CCSER1: variants seen among roughly 807,000 people sequenced by gnomAD.
The protein encoded by CCSER1 is serine-rich coiled-coil domain-containing protein 1.
A neutral mutation model predicts 82.0 loss-of-function variants in CCSER1; 41 were observed. That is an observed-to-expected ratio of 0.50 (90% CI 0.39 to 0.65). The LOEUF is 0.65. Ranked by LOEUF, CCSER1 falls within the 30% of genes least tolerant of loss-of-function variation. CCSER1 has a pLI of 0.00. For missense variants in CCSER1, 1,119 were observed against 1,064.2 expected, an observed-to-expected ratio of 1.05 and a Z score of -0.72; for synonymous variants, 414 against 383.9, an observed-to-expected ratio of 1.08 and a Z score of -0.92.
intron 10 of CCSER1, among the ~76,000 whole-genome samples, chr4:91,168,519 C>G (rs1354207330): frequency 1.3e-5 from 2 of 148,702 alleles, no homozygotes; most frequent in African/African-American, 5.0e-5. Flanking sequence ...CCTGGCCGCC[C>G]CATCTGGGAG....
chr4:91,502,358 G>A lies in CCSER1; in HGVS notation c.2218-96214G>A, dbSNP rs531220701. Among the ~76,000 whole-genome samples, 22 of 152,206 alleles carry A rather than the reference G, an allele frequency of 1.4e-4. No homozygotes were observed. In the Middle Eastern group the frequency reaches 0.01, roughly 71 times the overall value. ...TTATTATTTATCCTTACAATACATA[G>A]TGTAGAGCATGCTCATTTCATCCTA... On this transcript the variant is annotated intron_variant, in intron 10 of 10. Coordinates refer to ENST00000509176, the MANE Select transcript of CCSER1 (RefSeq NM_001145065.2).
At chr4:91,008,702 A>G (rs1173644916) in intron 9 of CCSER1, among the ~76,000 whole-genome samples, 2 of 152,152 alleles carry the variant, frequency 1.3e-5, no homozygotes, top group Non-Finnish European at 2.9e-5. Context: ...TTTATTTTCA[A>G]AGTAATTATT....
chr4:90,932,977 A>G lies in CCSER1; in HGVS notation c.2172+9530A>G, dbSNP rs1561384948. ...AAGAAAGAAAGAAAGAAAGAAAGAAAGAAAGAGAAAGAAAGAAAGAAAGAA... is the reference window on the plus strand; with the variant it reads ...AAGAAAGAAAGAAAGAAAGAAAGAAGGAAAGAGAAAGAAAGAAAGAAAGAA... On this transcript the variant is annotated intron_variant, in intron 9 of 10. Coordinates refer to ENST00000509176, the MANE Select transcript of CCSER1 (RefSeq NM_001145065.2). Among the ~76,000 whole-genome samples the G allele has an allele frequency of 5.6e-4, 23 of 41,026 alleles. 1 individual carries two copies. The highest frequency in any genetic ancestry group is 7.9e-4 in the Non-Finnish European group (18 of 22,872). The allele number at this position is 41,026 out of a possible 152,430, so 26.9% of individuals were successfully genotyped here. A position where few individuals can be genotyped will look rare whatever the true frequency, so the allele number is the denominator to read the frequency against.
intron 5 of CCSER1, among the ~76,000 whole-genome samples, chr4:90,500,543 C>CT (rs1245483100): frequency 7.2e-5 from 11 of 151,912 alleles, no homozygotes; most frequent in Non-Finnish European, 1.5e-4. Flanking sequence ...GTTGGCCAGG[C>CT]TTTTTTTGAA....
intron 10 of CCSER1, among the ~76,000 whole-genome samples, chr4:91,233,855 TA>T (rs1293853518): frequency 6.6e-6 from 1 of 151,776 alleles, no homozygotes; most frequent in Non-Finnish European, 1.5e-5. Flanking sequence ...TACAAACGAA[TA>T]AAAAATATAA....
chr4:90,612,792 G>A (rs1037940486), intron 5 of CCSER1, among the ~76,000 whole-genome samples: 9 of 152,022 alleles, frequency 5.9e-5, no homozygotes, highest in Admixed American at 4.6e-4. Flanking sequence ...TGGATAATAC[G>A]TACTCTGTTA....
intron 1 of CCSER1, among the ~76,000 whole-genome samples, chr4:90,296,228 T>G (rs1342095557): frequency 3.9e-5 from 6 of 152,134 alleles, no homozygotes; most frequent in Non-Finnish European, 8.8e-5. Context: ...GAACAATTAT[T>G]CAGTCATGTG....
chr4:90,247,336 C>T (rs1721608320), intron 1 of CCSER1, among the ~76,000 whole-genome samples: 1 of 152,056 alleles, frequency 6.6e-6, no homozygotes, highest in Non-Finnish European at 1.5e-5. Flanking sequence ...TAAAAGGGAA[C>T]TTGTCGTAGT....
chr4:90,733,337 G>C (rs1304711077), intron 7 of CCSER1, among the ~76,000 whole-genome samples: 1 of 152,142 alleles, frequency 6.6e-6, no homozygotes, highest in Non-Finnish European at 1.5e-5. Context: ...ATATTCTTTA[G>C]ATAAATGTCT....
At chr4:90,667,465 A>G (rs1423706307) in intron 6 of CCSER1, among the ~76,000 whole-genome samples, 1 of 152,014 alleles carries the variant, frequency 6.6e-6, no homozygotes, top group Non-Finnish European at 1.5e-5. Context: ...TATACATTAG[A>G]CATTTCTTCT....
intron 1 of CCSER1, among the ~76,000 whole-genome samples, chr4:90,249,234 G>T (rs1325658848): frequency 6.6e-6 from 1 of 152,072 alleles, no homozygotes; most frequent in Non-Finnish European, 1.5e-5. Flanking sequence ...GAAGACCATC[G>T]ACTAGAGACA....
chr4:90,887,403 C>T (rs1207757306), intron 8 of CCSER1, among the ~76,000 whole-genome samples: 3 of 152,146 alleles, frequency 2.0e-5, no homozygotes, highest in Non-Finnish European at 4.4e-5. Flanking sequence ...GATTCCAGTG[C>T]ATTTTTGTTA....
intron 10 of CCSER1, among the ~76,000 whole-genome samples, chr4:91,499,140 T>A (rs991945491): frequency 6.6e-6 from 1 of 152,040 alleles, no homozygotes; most frequent in African/African-American, 2.4e-5. Flanking sequence ...GCATTTTATT[T>A]AATTTCAAGA....
chr4:90,283,155 A>G (rs2085937207), intron 1 of CCSER1, among the ~76,000 whole-genome samples: 1 of 151,928 alleles, frequency 6.6e-6, no homozygotes, highest in Non-Finnish European at 1.5e-5. Flanking sequence ...ATGTTAAGCA[A>G]ACTCCTTGGT....
intron 5 of CCSER1, among the ~76,000 whole-genome samples, chr4:90,531,511 T>A (rs1246943976): frequency 6.6e-6 from 1 of 152,026 alleles, no homozygotes; most frequent in Non-Finnish European, 1.5e-5. Flanking sequence ...ACAAGTCCAT[T>A]TAGCAAACTA....
intron 1 of CCSER1, among the ~76,000 whole-genome samples, chr4:90,186,769 T>A (rs1440034713): frequency 2.6e-5 from 4 of 151,892 alleles, no homozygotes; most frequent in Non-Finnish European, 1.5e-5. Flanking sequence ...TTTTTTTGTT[T>A]GTTTTTTGCT....
At chr4:90,591,622 G>T (rs1259385807) in intron 5 of CCSER1, among the ~76,000 whole-genome samples, 1 of 152,184 alleles carries the variant, frequency 6.6e-6, no homozygotes, top group Non-Finnish European at 1.5e-5. Flanking sequence ...GGAAGATGGT[G>T]TAGCGATTCC....
At chr4:90,473,786 A>C (rs2153592238) in intron 5 of CCSER1, among the ~76,000 whole-genome samples, 1 of 152,352 alleles carries the variant, frequency 6.6e-6, no homozygotes, top group South Asian at 2.1e-4. Context: ...CATATCAAAG[A>C]ATAATATTAC....
chr4:91,412,830 T>A (rs185699269), intron 10 of CCSER1, among the ~76,000 whole-genome samples: 1 of 152,212 alleles, frequency 6.6e-6, no homozygotes, highest in East Asian at 1.9e-4. Context: ...GGAAACATGA[T>A]ACCACCAAAT....
Sources: gnomAD v4.1 joint callset for allele counts (sites outside exome capture counted in the v4.1 genomes callset) on GRCh38, gnomAD v4.1.1 for gene constraint, MANE v1.5 for transcripts, NCBI Gene and HGNC (gene_info 2026-07-23, HGNC 2026-07-21) for gene names.